The following C1orf116 variants were observed in gnomAD, a reference collection of about 807,000 sequenced individuals.
The protein encoded by C1orf116 is specifically androgen-regulated gene protein.
C1orf116 carries 12 observed loss-of-function variants against 14.1 expected under a neutral mutation model. The observed-to-expected ratio is 0.85, with a 90% confidence interval of 0.54 to 1.38. The LOEUF is 1.38. Among genes scored for constraint, C1orf116 ranks in the 40% most tolerant of loss-of-function variants. C1orf116 has a pLI of 0.00. For missense variants in C1orf116, 797 were observed against 747.0 expected, an observed-to-expected ratio of 1.07 and a Z score of -0.78; for synonymous variants, 296 against 299.0, an observed-to-expected ratio of 0.99 and a Z score of 0.10.
Position 207,022,430 on chromosome 1 carries a change from A to T in C1orf116, c.1334T>A (p.Ile445Asn). Residue 445 changes from isoleucine (I) to asparagine (N), a missense_variant, in exon 4 of 4, where the codon ATC (isoleucine) becomes AAC (asparagine). Coordinates refer to ENST00000359470, the MANE Select transcript of C1orf116 (RefSeq NM_023938.6). Reference protein sequence around the residue: ...VAASKSMPISIPKAPRANSAL... With the variant: ...VAASKSMPISNPKAPRANSAL... ...ACTGTTTGCCCTTGGGGCCTTAGGG[A>T]TAGAAATTGGCATAGATTTGCTAGC... 1 of 1,614,120 alleles carries T rather than the reference A, an allele frequency of 6.2e-7. No individual in the cohort carries two copies. The highest frequency in any genetic ancestry group is 8.5e-7 in the Non-Finnish European group (1 of 1,180,020).
At chr1:207,027,136 T>C (rs767604576) in intron 2 of C1orf116, among the ~76,000 whole-genome samples, 15 of 152,344 alleles carry the variant, frequency 9.8e-5, no homozygotes, top group African/African-American at 1.7e-4. Context: ...ACTAAAGTAA[T>C]GCTGCTCATT....
intron 3 of C1orf116, among the ~76,000 whole-genome samples, 188 bp downstream of exon 3, chr1:207,024,699 G>A (rs1300830103): frequency 6.6e-6 from 1 of 152,238 alleles, no homozygotes. Context: ...AAGCTGGCTT[G>A]CCAGGGGTCC....
intron 1 of C1orf116, among the ~76,000 whole-genome samples, chr1:207,029,806 A>C (rs554445496): frequency 6.6e-6 from 1 of 152,332 alleles, no homozygotes; most frequent in South Asian, 2.1e-4. Flanking sequence ...GTTGTCAAAA[A>C]GTCAATGTAG....
At chr1:207,028,174 C>T (rs1336772241) in intron 1 of C1orf116, among the ~76,000 whole-genome samples, 11 of 151,998 alleles carry the variant, frequency 7.2e-5, no homozygotes. Flanking sequence ...ACCCTAAGAC[C>T]TCATGAGTCA....
In C1orf116 at chr1:207,022,610, G is replaced by C. The variant is rs778116853; in HGVS notation, c.1154C>G (p.Ser385Cys). The C allele has an allele frequency of 6.2e-7, 1 of 1,614,204 alleles. No individual in the cohort carries two copies. The change falls in exon 4 of 4, where the codon TCC becomes TGC. Residue 385 changes from serine to cysteine, a missense_variant. Transcript: ENST00000359470. ...AGGCTGAGCCAGACCTGGAGCTGGG[G>C]ACAGATGCTGGGCCCGTGTCTCCTT... Reference protein sequence around the residue: ...RPKETRAQHLSPAPGLAQPAA... With the variant: ...RPKETRAQHLCPAPGLAQPAA...
At chr1:207,031,224 A>C (rs79746235) in intron 1 of C1orf116, among the ~76,000 whole-genome samples, 1 of 152,352 alleles carries the variant, frequency 6.6e-6, no homozygotes, top group South Asian at 2.1e-4. Flanking sequence ...CACAGTTTGC[A>C]TATCTGTCTC....
chr1:207,019,109 C>T lies in C1orf116; in HGVS notation c.*2849G>A. 1 of 152,320 alleles carries T rather than the reference C, an allele frequency of 6.6e-6. No individual in the cohort carries two copies. Among genetic ancestry groups the T allele is most frequent in the Non-Finnish European group, 1.5e-5 (1 of 68,094 alleles). 9.4% of individuals were successfully genotyped at this position (152,320 alleles called of 1,614,324 possible). On this transcript the variant is annotated 3_prime_UTR_variant, in exon 4 of 4. Coordinates refer to ENST00000359470, the MANE Select transcript of C1orf116 (RefSeq NM_023938.6). ...GGCGGCCCCTGCCAGATCATGCTTC[C>T]CACTGTGGAAGAAGGCATGTACGAG...
Position 207,022,749 on chromosome 1 carries a change from A to C in C1orf116, c.1015T>G (p.Ser339Ala), listed in dbSNP as rs1681926292. The change falls in exon 4 of 4, where the codon TCA becomes GCA. Residue 339 changes from serine (S) to alanine (A), a missense_variant. Transcript: ENST00000359470. Reference sequence around the variant, plus strand: ...CGTGCTTTTCTCTGCTCTTGCAGTGAACAGGAGATCAGGCCAGAATCTCCA... The same window carrying C: ...CGTGCTTTTCTCTGCTCTTGCAGTGCACAGGAGATCAGGCCAGAATCTCCA... ...APGDSGLISCSLQEQRKARKE... is the reference protein window; with the variant it reads ...APGDSGLISCALQEQRKARKE... The C allele has an allele frequency of 6.2e-7, 1 of 1,614,080 alleles. No homozygotes were observed. Among genetic ancestry groups the C allele is most frequent in the Non-Finnish European group, 8.5e-7 (1 of 1,180,038 alleles).
rs192786161 is a variant in C1orf116, at chr1:207,028,233, T to C, written c.-81-554A>G. On this transcript the variant is annotated intron_variant, in intron 1 of 3. Coordinates refer to ENST00000359470, the MANE Select transcript of C1orf116 (RefSeq NM_023938.6). ...TAACAAGAAAAAGACAAGATCTATC[T>C]AGGATCAAACTAAATTGAAACAAGA... is the stretch of plus-strand genomic sequence containing the variant. Among the ~76,000 whole-genome samples the C allele has an allele frequency of 4.6e-5, 7 of 152,282 alleles. No homozygotes were observed. The East Asian group carries it at 9.6e-4, about 21-fold the overall frequency.
chr1:207,027,096 A>C (rs1314843217), intron 2 of C1orf116, among the ~76,000 whole-genome samples: 1 of 152,192 alleles, frequency 6.6e-6, no homozygotes, highest in African/African-American at 2.4e-5. Flanking sequence ...TAGGCTCCTA[A>C]TTACCTATTT....
Position 207,021,004 on chromosome 1 carries a change from T to A in C1orf116, c.*954A>T, listed in dbSNP as rs1681828729. The A allele has an allele frequency of 6.6e-6, 1 of 152,198 alleles. No homozygotes were observed. Among genetic ancestry groups the A allele is most frequent in the African/African-American group, 2.4e-5 (1 of 41,450 alleles). The allele number at this position is 152,198 out of a possible 1,614,324, so 9.4% of individuals were successfully genotyped here. A position where few individuals can be genotyped will look rare whatever the true frequency, so the allele number is the denominator to read the frequency against. On this transcript the variant is annotated 3_prime_UTR_variant, in exon 4 of 4. Transcript: ENST00000359470. ...GAGGATGTATTGTGTGGGTTTTCTA[T>A]CACTGGAACTGAGAAAAATTTAAAA...
At chr1:207,025,152 AGC>A (rs1682039285) in intron 2 of C1orf116, 88 bp from the exon 3 acceptor site, 2 of 1,036,330 alleles carry the variant, frequency 1.9e-6, no homozygotes, top group Non-Finnish European at 2.8e-6. Context: ...GCTGTGAGAA[AGC>A]GCTCCCTCCG....
At chr1:207,028,733 T>C (rs1043235102) in intron 1 of C1orf116, among the ~76,000 whole-genome samples, 1 of 152,220 alleles carries the variant, frequency 6.6e-6, no homozygotes, top group African/African-American at 2.4e-5. Flanking sequence ...AGGATTTTGA[T>C]GTGGCTGTTT....
rs779188511 is a variant in C1orf116 at position 207,022,764 on chromosome 1, C to G, written c.1000G>C (p.Gly334Arg). The G allele has an allele frequency of 2.5e-6, 4 of 1,614,202 alleles. No homozygotes were observed. Among genetic ancestry groups the G allele is most frequent in the Non-Finnish European group, 3.4e-6 (4 of 1,180,034 alleles). Residue 334 changes from glycine (G) to arginine (R), a missense_variant, in exon 4 of 4, where the codon GGC becomes CGC. By Grantham distance (125) the Gly-to-Arg change is moderately radical. Transcript: ENST00000359470. ...TCTTGCAGTGAACAGGAGATCAGGC[C>G]AGAATCTCCAGGGGCAGCCTCAGTG... The part of the protein sequence containing the change: ...RHTEAAPGDS[G>R]LISCSLQEQR...
chr1:207,019,478 T>C lies in C1orf116; in HGVS notation c.*2480A>G, dbSNP rs892976229. ...AAGGGATGAGTAACTCTGACCCTAC[T>C]CTTACCTCCCTCCCCATCAATTCAA... On this transcript the variant is annotated 3_prime_UTR_variant, in exon 4 of 4. Transcript: ENST00000359470. 6.6e-6 allele frequency: 1 copy of C among 152,146 alleles called. No individual in the cohort carries two copies. The highest frequency in any genetic ancestry group is 2.4e-5 in the African/African-American group (1 of 41,436). The allele number at this position is 152,146 out of a possible 1,614,324, so 9.4% of individuals were successfully genotyped here.
At position 207,028,776 on chromosome 1, in the gene C1orf116, G is replaced by A. The variant is rs551744519; in HGVS notation, c.-81-1097C>T. Among the ~76,000 whole-genome samples, 97 of 152,358 alleles carry A rather than the reference G, an allele frequency of 6.4e-4. 1 individual carries two copies. The highest frequency in any genetic ancestry group is 1.5e-3 in the African/African-American group (62 of 41,582). ...ATACTCCACTGGAGATGGCAGGCCAGAAGTGAGTCTGCTATGTTAAAATGA... is the reference window on the plus strand; with the variant it reads ...ATACTCCACTGGAGATGGCAGGCCAAAAGTGAGTCTGCTATGTTAAAATGA... On this transcript the variant is annotated intron_variant, in intron 1 of 3. Coordinates refer to ENST00000359470, the MANE Select transcript of C1orf116 (RefSeq NM_023938.6).
At chr1:207,024,587 G>C (rs1032848235) in intron 3 of C1orf116, among the ~76,000 whole-genome samples, 1 of 152,126 alleles carries the variant, frequency 6.6e-6, no homozygotes, top group Admixed American at 6.5e-5. Context: ...TCCCTCCCCC[G>C]CCTCTGCGGT....
chr1:207,023,134 C>T lies in C1orf116; in HGVS notation c.630G>A (p.Glu210=), dbSNP rs750834731. The change falls in exon 4 of 4, where the codon GAG becomes GAA. Residue 210 remains glutamate (E), a synonymous_variant. Transcript: ENST00000359470. ...CGGGCAGGCTGGCTTCCCTACACTG[C>T]TCTGGCTGGGTGTCCCGGAAAGCTT... ...PPEAFRDTQP[E]QCREASLPEG... 1 of 1,612,644 alleles carries T rather than the reference C, an allele frequency of 6.2e-7. No homozygotes were observed. Among genetic ancestry groups the T allele is most frequent in the Admixed American group, 1.7e-5 (1 of 59,980 alleles).
rs1354832497 is a variant in C1orf116, at chr1:207,018,991, C to G, written c.*2967G>C. Reference sequence around the variant, plus strand: ...CTACACCTCCAGCTCGAACTCAGAACATTGACAGGAACCTGCTCTTCAATC... The same window carrying G: ...CTACACCTCCAGCTCGAACTCAGAAGATTGACAGGAACCTGCTCTTCAATC... On this transcript the variant is annotated 3_prime_UTR_variant, in exon 4 of 4. Coordinates refer to ENST00000359470, the MANE Select transcript of C1orf116 (RefSeq NM_023938.6). 1.3e-5 allele frequency: 2 copies of G among 152,332 alleles called. No homozygotes were observed. The highest frequency in any genetic ancestry group is 2.9e-5 in the Non-Finnish European group (2 of 68,122). The allele number at this position is 152,332 out of a possible 1,614,324, so 9.4% of individuals were successfully genotyped here. A position where few individuals can be genotyped will look rare whatever the true frequency, so the allele number is the denominator to read the frequency against.
Sources: allele counts gnomAD v4.1 joint callset (sites outside exome capture counted in the v4.1 genomes callset), GRCh38; gene constraint gnomAD v4.1.1; transcripts MANE v1.5; gene names NCBI Gene and HGNC (gene_info 2026-07-23, HGNC 2026-07-21).